The following TMED3 variants were observed in gnomAD, a reference collection of about 807,000 sequenced individuals.
TMED3 encodes the protein transmembrane emp24 domain-containing protein 3.
Under a neutral mutation model 15.0 loss-of-function variants are expected in TMED3, and 9 were observed. The ratio of observed to expected loss-of-function variants is 0.60; its 90% confidence interval spans 0.36 to 1.04. The LOEUF (loss-of-function observed/expected upper bound fraction) is 1.04. TMED3 is among the 50% of genes least tolerant of loss of function. The pLI is 0.01. For synonymous variants in TMED3, 117 were observed against 121.4 expected, an observed-to-expected ratio of 0.96 and a Z score of 0.24; for missense variants, 267 against 278.9, an observed-to-expected ratio of 0.96 and a Z score of 0.30.
intron 2 of TMED3, among the ~76,000 whole-genome samples, chr15:79,355,937 G>T (rs967933995): frequency 6.6e-6 from 1 of 152,172 alleles, no homozygotes; most frequent in Non-Finnish European, 1.5e-5. Flanking sequence ...TTAAGTGGGA[G>T]GTTTAATTTT....
intron 2 of TMED3, among the ~76,000 whole-genome samples, chr15:79,387,849 T>C (rs773315205): frequency 5.3e-5 from 8 of 152,212 alleles, no homozygotes; most frequent in Non-Finnish European, 1.2e-4. Context: ...TACTTCTTGA[T>C]GCTATTATAA....
chr15:79,364,286 A>C (rs904359555), intron 2 of TMED3, among the ~76,000 whole-genome samples: 2 of 152,082 alleles, frequency 1.3e-5, no homozygotes, highest in African/African-American at 2.4e-5. Context: ...CCCTGCGGGC[A>C]TGTTTAAGCA....
intron 2 of TMED3, among the ~76,000 whole-genome samples, chr15:79,340,958 C>G (rs1368147867): frequency 6.6e-6 from 1 of 152,032 alleles, no homozygotes; most frequent in African/African-American, 2.4e-5. Flanking sequence ...CTTTGGGAGG[C>G]CAAGGCAGGA....
chr15:79,327,678 T>G (rs998800571), downstream of TMED3, among the ~76,000 whole-genome samples: 2 of 152,234 alleles, frequency 1.3e-5, no homozygotes, highest in Non-Finnish European at 2.9e-5. Context: ...CTAAATAAAC[T>G]TGATGTGATG....
intron 2 of TMED3, among the ~76,000 whole-genome samples, chr15:79,409,569 T>C (rs1341600344): frequency 6.6e-6 from 1 of 152,226 alleles, no homozygotes; most frequent in East Asian, 1.9e-4. Flanking sequence ...TCTTCATGTG[T>C]AAAATAAGGT....
intron 2 of TMED3, among the ~76,000 whole-genome samples, chr15:79,386,704 A>ATTTTTT (rs35828266): frequency 1.6e-5 from 2 of 125,182 alleles, no homozygotes; most frequent in South Asian, 2.8e-4. Flanking sequence ...ATGCCTGGCT[A>ATTTTTT]TTTTTTTTTT....
chr15:79,389,278 G>A (rs1893666743), intron 2 of TMED3, among the ~76,000 whole-genome samples: 1 of 151,742 alleles, frequency 6.6e-6, no homozygotes, highest in Admixed American at 6.6e-5. Context: ...ATGGTGAGAA[G>A]TGAGGATCCA....
intron 2 of TMED3, among the ~76,000 whole-genome samples, chr15:79,346,460 A>C (rs1013120242): frequency 1.3e-5 from 2 of 152,184 alleles, no homozygotes; most frequent in African/African-American, 2.4e-5. Context: ...GTACCCCTGC[A>C]CATGCTCTCT....
chr15:79,338,805 G>A (rs974081772), intron 2 of TMED3, among the ~76,000 whole-genome samples: 1 of 152,286 alleles, frequency 6.6e-6, no homozygotes, highest in African/African-American at 2.4e-5. Flanking sequence ...TTGGTCTAAC[G>A]GTAATGCCAG....
At chr15:79,330,545 A>G (rs2058804465) in intron 2 of TMED3, among the ~76,000 whole-genome samples, 1 of 152,230 alleles carries the variant, frequency 6.6e-6, no homozygotes, top group African/African-American at 2.4e-5. Flanking sequence ...CGATACAGTA[A>G]TTGGAAAAAA....
rs1003699203 is a variant in TMED3 at position 79,322,482 on chromosome 15, G to A, written c.*268G>A. On this transcript the variant is annotated 3_prime_UTR_variant, in exon 3 of 3. Transcript: ENST00000299705. ...GCCAGGGATTAGCCACTGTGGGAGG[G>A]TGGACAGGCAATGGTTCAGTGGCCT... The A allele has an allele frequency of 2.0e-5, 25 of 1,281,658 alleles. 1 individual carries two copies. In the South Asian group the frequency reaches 5.3e-4, roughly 27 times the overall value. 79.4% of individuals were successfully genotyped at this position (1,281,658 alleles called of 1,614,324 possible). A position where few individuals can be genotyped will look rare whatever the true frequency, so the allele number is the denominator to read the frequency against.
chr15:79,393,074 G>A (rs989315610), intron 2 of TMED3, among the ~76,000 whole-genome samples: 1 of 152,086 alleles, frequency 6.6e-6, no homozygotes, highest in Non-Finnish European at 1.5e-5. Flanking sequence ...TTTCACCCAA[G>A]GTTTTAGTTC....
intron 2 of TMED3, among the ~76,000 whole-genome samples, chr15:79,354,326 T>C (rs1199259810): frequency 1.3e-5 from 2 of 152,072 alleles, no homozygotes; most frequent in Admixed American, 1.3e-4. Flanking sequence ...AACATCCAAG[T>C]CCTTGACCAA....
At position 79,377,295 on chromosome 15, in the gene TMED3, T is replaced by TGA. The variant is rs779776384; in HGVS notation, c.418-34104_418-34103insAG. Reference sequence around the variant, plus strand: ...ATGTGTGTGTGTGTGTGTGTGTGTGTGTGAGAGAGAGAGAGAGAGAGAATG... The same window carrying TGA: ...ATGTGTGTGTGTGTGTGTGTGTGTGTGAGTGAGAGAGAGAGAGAGAGAGAATG... On this transcript the variant is annotated intron_variant, in intron 2 of 2. Transcript: ENST00000424155. Among the ~76,000 whole-genome samples, 37 of 134,228 alleles carry TGA rather than the reference T, an allele frequency of 2.8e-4. No individual in the cohort carries two copies. In the South Asian group the frequency reaches 3.1e-3, roughly 11 times the overall value. 88.1% of individuals were successfully genotyped at this position (134,228 alleles called of 152,430 possible). A position where few individuals can be genotyped will look rare whatever the true frequency, so the allele number is the denominator to read the frequency against.
At chr15:79,319,925 G>A (rs1237777499) in intron 2 of TMED3, among the ~76,000 whole-genome samples, 1 of 152,212 alleles carries the variant, frequency 6.6e-6, no homozygotes, top group Non-Finnish European at 1.5e-5. Flanking sequence ...AAGAAGACTA[G>A]GAGTGTGACC....
In TMED3 at chr15:79,311,311, C is replaced by T. The variant is rs149542181; in HGVS notation, c.62C>T (p.Ala21Val). Reference sequence around the variant, plus strand: ...CTTCTGCTGCTGCTCCTGCGCCGGGCCGAGCAGCCCTGCGGGGCCGAGCTC... The same window carrying T: ...CTTCTGCTGCTGCTCCTGCGCCGGGTCGAGCAGCCCTGCGGGGCCGAGCTC... ...VLLLLLLLRR[A>V]EQPCGAELTF... The change falls in exon 1 of 3, where the codon GCC (alanine) becomes GTC (valine). Residue 21 changes from alanine to valine, a missense_variant. By Grantham distance (64) the Ala-to-Val change is moderately conservative. This residue lies in a region of TMED3 where 59 missense variants were observed against 47.0 expected (regional missense o/e 1.26). Transcript: ENST00000299705. 2,492 of 1,607,304 alleles carry T rather than the reference C, an allele frequency of 1.6e-3. 21 individuals carry two copies. In the Admixed American group the frequency reaches 0.025, roughly 16 times the overall value.
chr15:79,395,261 C>G (rs140072130), intron 2 of TMED3, among the ~76,000 whole-genome samples: 1 of 152,198 alleles, frequency 6.6e-6, no homozygotes, highest in East Asian at 1.9e-4. Context: ...CCCACTGAAA[C>G]CTCCGCCTCC....
At chr15:79,378,376 A>G (rs1567036162) in intron 2 of TMED3, among the ~76,000 whole-genome samples, 1 of 152,178 alleles carries the variant, frequency 6.6e-6, no homozygotes, top group Non-Finnish European at 1.5e-5. Context: ...TGGATGTTCT[A>G]GTTGGTATGT....
intron 2 of TMED3, chr15:79,384,618 C>T (rs1348331682): frequency 6.6e-6 from 1 of 152,174 alleles, no homozygotes; most frequent in East Asian, 1.9e-4. Context: ...CATGTGTATA[C>T]TCAAGTAGGT....
Sources: allele counts gnomAD v4.1 joint callset (sites outside exome capture counted in the v4.1 genomes callset), GRCh38; gene constraint gnomAD v4.1.1; regional missense constraint gnomAD v4.1.1; transcripts MANE v1.5; gene names NCBI Gene and HGNC (gene_info 2026-07-23, HGNC 2026-07-21).